Variants in DLGAP3 observed in about 807,000 individuals in gnomAD.
DLGAP3 encodes the protein DLG associated protein 3.
A neutral mutation model predicts 81.2 loss-of-function variants in DLGAP3; 17 were observed. The ratio of observed to expected loss-of-function variants is 0.21; its 90% confidence interval spans 0.14 to 0.31. DLGAP3 has a LOEUF of 0.31. Among genes scored for constraint, DLGAP3 ranks in the 10% least tolerant of loss-of-function variants. The pLI, the probability that DLGAP3 is intolerant of heterozygous loss-of-function variation, is 1.00. For missense variants in DLGAP3, 1,124 were observed against 1,388.0 expected, an observed-to-expected ratio of 0.81 and a Z score of 3.02; for synonymous variants, 577 against 587.4, an observed-to-expected ratio of 0.98 and a Z score of 0.26.
In DLGAP3 at chr1:34,866,177, G is replaced by T; in HGVS notation, c.2846C>A (p.Ala949Glu). ...QRQEARKRLL[A>E]AKRAASFRHS... ...GCGGAAGGAAGCGGCGCGCTTGGCC[G>T]CCAGGAGCCGCTTGCGCGCTTCCTG... Residue 949 changes from alanine to glutamate, a missense_variant, in exon 12 of 12, where the codon GCG becomes GAG. This residue lies in a region of DLGAP3 where 133 missense variants were observed against 171.1 expected (regional missense o/e 0.78). Coordinates refer to ENST00000373347, the MANE Select transcript of DLGAP3 (RefSeq NM_001080418.3). 2 of 1,589,552 alleles carry T rather than the reference G, an allele frequency of 1.3e-6. No homozygotes were observed. Among genetic ancestry groups the T allele is most frequent in the Non-Finnish European group, 8.5e-7 (1 of 1,175,112 alleles).
chr1:34,914,854 A>G (rs576248125), intron 1 of DLGAP3, among the ~76,000 whole-genome samples: 2 of 152,332 alleles, frequency 1.3e-5, no homozygotes, highest in South Asian at 2.1e-4. Context: ...CTGAAAACTC[A>G]TCTTTTTCAC....
chr1:34,918,337 C>G (rs987516703), intron 1 of DLGAP3, among the ~76,000 whole-genome samples: 7 of 152,210 alleles, frequency 4.6e-5, no homozygotes, highest in African/African-American at 1.4e-4. Context: ...CAAGCAGGAC[C>G]CTTACAGTGC....
chr1:34,871,061 T>G (rs1638971484), intron 8 of DLGAP3, among the ~76,000 whole-genome samples: 1 of 152,186 alleles, frequency 6.6e-6, no homozygotes. Context: ...TTTTGCATAT[T>G]TTAAGATCTG....
At chr1:34,916,452 G>GT (rs1168652068) in intron 1 of DLGAP3, among the ~76,000 whole-genome samples, 1 of 152,164 alleles carries the variant, frequency 6.6e-6, no homozygotes, top group African/African-American at 2.4e-5. Flanking sequence ...CGCTTTAGAT[G>GT]TTTTTCTTCA....
At chr1:34,922,613 C>CAT (rs1477000191) in intron 1 of DLGAP3, among the ~76,000 whole-genome samples, 22 of 152,104 alleles carry the variant, frequency 1.4e-4, no homozygotes, top group Non-Finnish European at 3.2e-4. Flanking sequence ...TACATAGAGT[C>CAT]ATATATATAT....
At chr1:34,891,313 C>T (rs1639309132) in intron 5 of DLGAP3, among the ~76,000 whole-genome samples, 1 of 152,208 alleles carries the variant, frequency 6.6e-6, no homozygotes, top group Admixed American at 6.5e-5. Context: ...ACTGCCTCTG[C>T]CAGAGGGCTC....
chr1:34,899,576 A>C (rs1374023338), intron 5 of DLGAP3, 93 bp downstream of exon 5: 3 of 1,159,200 alleles, frequency 2.6e-6, no homozygotes, highest in Non-Finnish European at 3.9e-6. Flanking sequence ...AGCTCTCTCC[A>C]CAGGCAGACC....
intron 8 of DLGAP3, 40 bp from the exon 9 acceptor site, chr1:34,869,129 TCA>T: frequency 6.9e-7 from 1 of 1,456,530 alleles, no homozygotes; most frequent in Non-Finnish European, 9.3e-7. Flanking sequence ...TTGCCCAGGC[TCA>T]TGCCAGCTCT....
At chr1:34,886,471 G>T (rs927221015) in intron 5 of DLGAP3, among the ~76,000 whole-genome samples, 186 bp from the exon 6 acceptor site, 3 of 152,174 alleles carry the variant, frequency 2.0e-5, no homozygotes, top group Non-Finnish European at 4.4e-5. Flanking sequence ...GCCCCACTCT[G>T]CTCCCAAGGC....
chr1:34,903,664 G>A (rs971828595), intron 3 of DLGAP3, among the ~76,000 whole-genome samples: 3 of 152,174 alleles, frequency 2.0e-5, no homozygotes, highest in Non-Finnish European at 4.4e-5. Context: ...TGCCTGAATT[G>A]TATCAGGGCT....
At chr1:34,910,892 A>G (rs1452361774) in intron 1 of DLGAP3, among the ~76,000 whole-genome samples, 4 of 152,228 alleles carry the variant, frequency 2.6e-5, no homozygotes, top group African/African-American at 9.6e-5. Context: ...AATTCTCCCC[A>G]GTCCCTAGAA....
At chr1:34,928,937 A>G (rs2148423898) in intron 1 of DLGAP3, among the ~76,000 whole-genome samples, 1 of 151,902 alleles carries the variant, frequency 6.6e-6, no homozygotes, top group East Asian at 1.9e-4. Context: ...TAACATGCAC[A>G]CACACTCTCG....
intron 1 of DLGAP3, among the ~76,000 whole-genome samples, chr1:34,913,495 G>T (rs1258699708): frequency 6.6e-6 from 1 of 152,176 alleles, no homozygotes; most frequent in Non-Finnish European, 1.5e-5. Flanking sequence ...TCCAACTAAA[G>T]TTGAGCTGCA....
At chr1:34,914,357 T>C (rs1008493297) in intron 1 of DLGAP3, among the ~76,000 whole-genome samples, 5 of 152,226 alleles carry the variant, frequency 3.3e-5, no homozygotes, top group Non-Finnish European at 7.3e-5. Context: ...TGCTGCCTTA[T>C]CATTTCCACT....
rs890246488 is a variant in DLGAP3, at chr1:34,902,253, G to A, written c.1108-1980C>T. On this transcript the variant is annotated intron_variant, in intron 3 of 11. Coordinates refer to ENST00000373347, the MANE Select transcript of DLGAP3 (RefSeq NM_001080418.3). The surrounding 1 kb of genome is among the most constrained non-coding windows in gnomAD (Gnocchi z 4.4). ...AGCTCCAAAAGGGGTAACGCCTCAG[G>A]GACAGCATAGGGTTCAGGGGAAAGG... is the stretch of plus-strand genomic sequence containing the variant. Among the ~76,000 whole-genome samples the A allele has an allele frequency of 6.6e-6, 1 of 152,104 alleles. No homozygotes were observed. The highest frequency in any genetic ancestry group is 1.5e-5 in the Non-Finnish European group (1 of 67,992).
chr1:34,883,669 C>CCCTGGAA (rs1639178150), intron 8 of DLGAP3, among the ~76,000 whole-genome samples: 27 of 150,878 alleles, frequency 1.8e-4, no homozygotes, highest in African/African-American at 6.7e-4. Flanking sequence ...AGAAGTCATG[C>CCCTGGAA]AGGCAACCAG....
At chr1:34,886,034 T>G in intron 6 of DLGAP3, 38 bp downstream of exon 6, 1 of 1,555,308 alleles carries the variant, frequency 6.4e-7, no homozygotes, top group Non-Finnish European at 8.7e-7. Flanking sequence ...GGCGCTCTCC[T>G]GCCTAGGGCC....
chr1:34,866,320 C>T lies in DLGAP3; in HGVS notation c.2722-19G>A, dbSNP rs990310573. On this transcript the variant is annotated intron_variant, in intron 11 of 11. Coordinates refer to ENST00000373347, the MANE Select transcript of DLGAP3 (RefSeq NM_001080418.3). The stretch of plus-strand genomic sequence containing the variant: ...TCTCCTCCTGCGGGGCAGAGGGCGT[C>T]GCTGAGCTGGGGCGCCGAACCATCC... The T allele has an allele frequency of 2.0e-6, 3 of 1,499,024 alleles. No homozygotes were observed. The highest frequency in any genetic ancestry group is 1.8e-6 in the Non-Finnish European group (2 of 1,122,746). 92.9% of individuals were successfully genotyped at this position (1,499,024 alleles called of 1,614,324 possible). A position where few individuals can be genotyped will look rare whatever the true frequency, so the allele number is the denominator to read the frequency against.
In DLGAP3 at chr1:34,904,334, G is replaced by A; in HGVS notation, c.1050C>T (p.Gly350=). 6.2e-7 allele frequency: 1 copy of A among 1,611,294 alleles called. No individual in the cohort carries two copies. The highest frequency in any genetic ancestry group is 8.5e-7 in the Non-Finnish European group (1 of 1,180,024). ...TGGTCTCCGGACCCAGGAGCCCCTT[G>A]CCTGGCCCGGCCCCCGGGTATCCAT... ...GRDGYPGAGP[G]KGLLGPETKA... is the part of the protein sequence containing the mutation. The change falls in exon 3 of 12, where the codon GGC becomes GGT. Residue 350 remains glycine, a synonymous_variant. Coordinates refer to ENST00000373347, the MANE Select transcript of DLGAP3 (RefSeq NM_001080418.3). This position sits in a 1 kb window ranked among gnomAD's most constrained non-coding sequence, Gnocchi z 8.1.
Sources: allele counts gnomAD v4.1 joint callset (sites outside exome capture counted in the v4.1 genomes callset), GRCh38; gene constraint gnomAD v4.1.1; regional missense constraint gnomAD v4.1.1; non-coding constraint Gnocchi (gnomAD v3.1); transcripts MANE v1.5; gene names NCBI Gene and HGNC (gene_info 2026-07-23, HGNC 2026-07-21).